Variants in SLCO3A1 observed in about 807,000 individuals in gnomAD.
SLCO3A1 encodes solute carrier organic anion transporter family member 3A1, also known as PGE1 transporter.
SLCO3A1 carries 27 observed loss-of-function variants against 63.1 expected under a neutral mutation model. That is an observed-to-expected ratio of 0.43 (90% CI 0.32 to 0.59). The LOEUF is 0.59. SLCO3A1 is among the 20% of genes least tolerant of loss of function. The pLI, the probability that SLCO3A1 is intolerant of heterozygous loss-of-function variation, is 0.09. For synonymous variants in SLCO3A1, 473 were observed against 409.9 expected, an observed-to-expected ratio of 1.15 and a Z score of -1.86; for missense variants, 773 against 945.8, an observed-to-expected ratio of 0.82 and a Z score of 2.40.
intron 3 of SLCO3A1, 97 bp downstream of exon 3, chr15:92,095,076 G>A: frequency 1.2e-6 from 1 of 829,794 alleles, no homozygotes; most frequent in Non-Finnish European, 2.1e-6. Flanking sequence ...TTCTTGCTAA[G>A]AGACAGTCTT....
At chr15:92,149,387 G>C (rs2048274353) in intron 8 of SLCO3A1, 1 of 152,270 alleles carries the variant, frequency 6.6e-6, no homozygotes, top group Admixed American at 6.5e-5. Context: ...TGCCATCACA[G>C]ATGTCTCAGG....
At chr15:91,961,461 A>C (rs1445851264) in intron 2 of SLCO3A1, among the ~76,000 whole-genome samples, 1 of 152,254 alleles carries the variant, frequency 6.6e-6, no homozygotes, top group African/African-American at 2.4e-5. Flanking sequence ...CTCTGAGGAA[A>C]GGAAAACAGG....
At chr15:92,104,168 A>C in intron 3 of SLCO3A1, 111 bp from the exon 4 acceptor site, 1 of 1,272,792 alleles carries the variant, frequency 7.9e-7, no homozygotes, top group South Asian at 1.4e-5. Context: ...CCCGACCGCA[A>C]GTCATTTCTA....
At chr15:92,039,895 T>A (rs571226286) in intron 2 of SLCO3A1, among the ~76,000 whole-genome samples, 2 of 152,138 alleles carry the variant, frequency 1.3e-5, no homozygotes, top group Non-Finnish European at 2.9e-5. Flanking sequence ...TAAAAAGGAA[T>A]GAGATCATGT....
chr15:91,894,751 C>G lies in SLCO3A1; in HGVS notation c.181-21242C>G, dbSNP rs1897960844. On this transcript the variant is annotated intron_variant, in intron 1 of 9. Transcript: ENST00000318445. The surrounding 1 kb of genome is among the most constrained non-coding windows in gnomAD (Gnocchi z 4.8). ...TTTCTAAAAGGCTCTCTGGTGATGT[C>G]AGCTACTCCTGCTGGAGCCCCACTT... Among the ~76,000 whole-genome samples the G allele has an allele frequency of 6.6e-6, 1 of 152,174 alleles. No homozygotes were observed. Among genetic ancestry groups the G allele is most frequent in the African/African-American group, 2.4e-5 (1 of 41,434 alleles).
chr15:91,994,892 G>T (rs375897959), intron 2 of SLCO3A1, among the ~76,000 whole-genome samples: 10 of 152,248 alleles, frequency 6.6e-5, no homozygotes, highest in African/African-American at 1.7e-4. Context: ...TGCTGCTGTC[G>T]GAGCCTAGGA....
chr15:92,110,119 G>A (rs775645319), intron 4 of SLCO3A1, among the ~76,000 whole-genome samples: 5 of 152,102 alleles, frequency 3.3e-5, no homozygotes, highest in Admixed American at 1.3e-4. Flanking sequence ...AGGCCATGCA[G>A]AGCCCAAGCT....
At position 92,137,801 on chromosome 15, in the gene SLCO3A1, G is replaced by A. The variant is rs1473066068; in HGVS notation, c.1513-9183G>A. 1.5e-4 allele frequency among the ~76,000 whole-genome samples: 16 copies of A among 103,804 alleles called. 3 individuals carry two copies. Among genetic ancestry groups the A allele is most frequent in the Admixed American group, 1.0e-4 (1 of 9,848 alleles). The allele number at this position is 103,804 out of a possible 152,430, so 68.1% of individuals were successfully genotyped here. On this transcript the variant is annotated intron_variant, in intron 7 of 9. Transcript: ENST00000318445. ...TGAGAAGTGTCTGTTCATGTCCTTCGCCCACTTTTTGACGGGGTTGTTTGT... is the reference window on the plus strand; with the variant it reads ...TGAGAAGTGTCTGTTCATGTCCTTCACCCACTTTTTGACGGGGTTGTTTGT...
rs546558072 is a variant in SLCO3A1, at chr15:92,105,156, C to T, written c.1009+614C>T. ...TGGCATGTGCCTGTAATCCCAGCTACTCGGGAGGCTGAGGCAGGAGAATCG... is the reference window on the plus strand; with the variant it reads ...TGGCATGTGCCTGTAATCCCAGCTATTCGGGAGGCTGAGGCAGGAGAATCG... On this transcript the variant is annotated intron_variant, in intron 4 of 9. Coordinates refer to ENST00000318445, the MANE Select transcript of SLCO3A1 (RefSeq NM_013272.4). Among the ~76,000 whole-genome samples the T allele has an allele frequency of 5.9e-5, 9 of 152,140 alleles. No individual in the cohort carries two copies. In the South Asian group the frequency reaches 1.5e-3, roughly 25 times the overall value.
intron 4 of SLCO3A1, among the ~76,000 whole-genome samples, chr15:92,109,283 C>T (rs1325808689): frequency 1.3e-5 from 2 of 152,150 alleles, no homozygotes; most frequent in African/African-American, 4.8e-5. Flanking sequence ...TTAACCATGG[C>T]ATTATGCTGC....
Position 91,951,185 on chromosome 15 carries a change from A to G in SLCO3A1, c.646+34727A>G, listed in dbSNP as rs1899984377. On this transcript the variant is annotated intron_variant, in intron 2 of 9. Coordinates refer to ENST00000318445, the MANE Select transcript of SLCO3A1 (RefSeq NM_013272.4). ...CCATTATCTAATTCTACAACATTTC[A>G]TCATCCCCAGAAGAAACTCCATTAG... 2.0e-5 allele frequency among the ~76,000 whole-genome samples: 3 copies of G among 152,136 alleles called. No homozygotes were observed. In the South Asian group the frequency reaches 6.2e-4, roughly 32 times the overall value.
In SLCO3A1 at chr15:92,045,326, T is replaced by G. The variant is rs527977840; in HGVS notation, c.647-49555T>G. Among the ~76,000 whole-genome samples, 5 of 151,588 alleles carry G rather than the reference T, an allele frequency of 3.3e-5. No homozygotes were observed. The East Asian group carries it at 9.7e-4, about 29-fold the overall frequency. On this transcript the variant is annotated intron_variant, in intron 2 of 9. Coordinates refer to ENST00000318445, the MANE Select transcript of SLCO3A1 (RefSeq NM_013272.4). ...CTCTTAGAGTAACACATACTCATTG[T>G]AAAACATTTTAAGGAACAGAAAAGC...
In SLCO3A1 at chr15:91,942,455, A is replaced by G. The variant is rs1899655674; in HGVS notation, c.646+25997A>G. Among the ~76,000 whole-genome samples, 1 of 152,234 alleles carries G rather than the reference A, an allele frequency of 6.6e-6. No homozygotes were observed. ...GGCACAACTGCAGGGGGCACCATGT[A>G]GAGACCGTAGTTGGATGTGGCCTGG... On this transcript the variant is annotated intron_variant, in intron 2 of 9. Coordinates refer to ENST00000318445, the MANE Select transcript of SLCO3A1 (RefSeq NM_013272.4). The surrounding 1 kb of genome is among the most constrained non-coding windows in gnomAD (Gnocchi z 4.1).
Position 91,916,130 on chromosome 15 carries a change from G to A in SLCO3A1, c.318G>A (p.Pro106=), listed in dbSNP as rs1450833342. 2 of 1,610,236 alleles carry A rather than the reference G, an allele frequency of 1.2e-6. No individual in the cohort carries two copies. Among genetic ancestry groups the A allele is most frequent in the Non-Finnish European group, 1.7e-6 (2 of 1,179,284 alleles). Residue 106 remains proline, a synonymous_variant, in exon 2 of 10, where the codon CCG becomes CCA. Coordinates refer to ENST00000318445, the MANE Select transcript of SLCO3A1 (RefSeq NM_013272.4). This position sits in a 1 kb window ranked among gnomAD's most constrained non-coding sequence, Gnocchi z 6.2. ...VSYFGARGHR[P]RLIGCGGIVM... is the part of the protein sequence containing the mutation. ...ACTTCGGGGCACGCGGGCACCGGCC[G>A]CGCCTGATCGGCTGCGGCGGCATCG... is the stretch of plus-strand genomic sequence containing the variant.
intron 2 of SLCO3A1, among the ~76,000 whole-genome samples, chr15:91,955,816 A>G (rs1025822061): frequency 6.6e-6 from 1 of 152,244 alleles, no homozygotes; most frequent in African/African-American, 2.4e-5. Flanking sequence ...AGCAAAACAA[A>G]CAGCAGTGAC....
intron 2 of SLCO3A1, among the ~76,000 whole-genome samples, chr15:92,054,482 T>G (rs2046998595): frequency 6.6e-6 from 1 of 152,178 alleles, no homozygotes; most frequent in South Asian, 2.1e-4. Context: ...CTGGGATACA[T>G]GTGCATGATG....
chr15:91,928,627 A>G (rs1169067039), intron 2 of SLCO3A1, among the ~76,000 whole-genome samples: 2 of 152,236 alleles, frequency 1.3e-5, no homozygotes, highest in African/African-American at 4.8e-5. Flanking sequence ...TCAGTATAGT[A>G]CCCACCTGCG....
At chr15:91,901,102 T>A (rs190694310) in intron 1 of SLCO3A1, among the ~76,000 whole-genome samples, 16 of 152,306 alleles carry the variant, frequency 1.1e-4, no homozygotes, top group Non-Finnish European at 2.1e-4. Context: ...TGTACTCTTT[T>A]GTGTTAATAT....
intron 2 of SLCO3A1, among the ~76,000 whole-genome samples, chr15:92,071,216 G>A (rs74030460): frequency 0.028 from 4,267 of 152,252 alleles, 194 homozygotes; most frequent in African/African-American, 0.098. Context: ...GATGGTTGAG[G>A]AGCGGTTGGG....
Sources: allele counts gnomAD v4.1 joint callset (sites outside exome capture counted in the v4.1 genomes callset), GRCh38; gene constraint gnomAD v4.1.1; non-coding constraint Gnocchi (gnomAD v3.1); transcripts MANE v1.5; gene names NCBI Gene and HGNC (gene_info 2026-07-23, HGNC 2026-07-21).